Variants in CENPO observed in about 807,000 individuals in gnomAD.
CENPO encodes the protein centromeric protein O.
Under a neutral mutation model 36.1 loss-of-function variants are expected in CENPO, and 30 were observed. The ratio of observed to expected loss-of-function variants is 0.83; its 90% CI spans 0.62 to 1.13. CENPO has a LOEUF of 1.13. Ranked by LOEUF, CENPO falls within the 50% of genes most tolerant of loss-of-function variation. The probability of loss-of-function intolerance (pLI) is 0.00; values close to 1 mark genes in which losing one functional copy is unlikely to be tolerated. For missense variants in CENPO, 349 were observed against 357.8 expected, an observed-to-expected ratio of 0.98 and a Z score of 0.20; for synonymous variants, 171 against 142.3, an observed-to-expected ratio of 1.20 and a Z score of -1.44.
In CENPO at chr2:24,821,725, G is replaced by C. The variant is rs891092634; in HGVS notation, c.*2407G>C. On this transcript the variant is annotated 3_prime_UTR_variant, in exon 8 of 8. Coordinates refer to ENST00000380834, the MANE Select transcript of CENPO (RefSeq NM_001322101.2). ...CTGCCTTCCCTGGCAGTGTTCTGGGGGTGGATTCCCTACACCTAGATGTTC... is the reference window on the plus strand; with the variant it reads ...CTGCCTTCCCTGGCAGTGTTCTGGGCGTGGATTCCCTACACCTAGATGTTC... 30 of 1,551,228 alleles carry C rather than the reference G, an allele frequency of 1.9e-5. No homozygotes were observed. The highest frequency in any genetic ancestry group is 2.4e-5 in the Non-Finnish European group (27 of 1,146,516).
chr2:24,815,897 A>G (rs1187574866), intron 5 of CENPO, 141 bp downstream of exon 5: 1 of 771,696 alleles, frequency 1.3e-6, no homozygotes, highest in African/African-American at 1.8e-5. Flanking sequence ...TCTTATTTAT[A>G]TAAAAGCACT....
chr2:24,801,439 T>C (rs1666162347), intron 3 of CENPO, among the ~76,000 whole-genome samples: 1 of 152,202 alleles, frequency 6.6e-6, no homozygotes, highest in Non-Finnish European at 1.5e-5. Context: ...TAGGTTTTCT[T>C]CTAGGATTTG....
intron 3 of CENPO, among the ~76,000 whole-genome samples, chr2:24,803,791 A>C (rs1666258954): frequency 6.6e-6 from 1 of 152,204 alleles, no homozygotes; most frequent in African/African-American, 2.4e-5. Flanking sequence ...GGTGCTGAAA[A>C]AAATGTATAT....
Position 24,820,467 on chromosome 2 carries a change from A to AGG in CENPO, c.*1150_*1151dup. On this transcript the variant is annotated 3_prime_UTR_variant, in exon 8 of 8. Transcript: ENST00000380834. Reference sequence around the variant, plus strand: ...CCAGACGCCACTGAGACAGATCACAAGGTATTAGAAGGTTCATACCCAAAG... The same window carrying AGG: ...CCAGACGCCACTGAGACAGATCACAAGGGGTATTAGAAGGTTCATACCCAAAG... 2.2e-6 allele frequency: 3 copies of AGG among 1,344,626 alleles called. No individual in the cohort carries two copies. Among genetic ancestry groups the AGG allele is most frequent in the Non-Finnish European group, 2.9e-6 (3 of 1,050,730 alleles). The allele number at this position is 1,344,626 out of a possible 1,614,324, so 83.3% of individuals were successfully genotyped here. A position where few individuals can be genotyped will look rare whatever the true frequency, so the allele number is the denominator to read the frequency against.
intron 3 of CENPO, among the ~76,000 whole-genome samples, chr2:24,810,129 A>G (rs1666610197): frequency 6.6e-6 from 1 of 151,632 alleles, no homozygotes; most frequent in Non-Finnish European, 1.5e-5. Flanking sequence ...AAAATCTCCC[A>G]CTGTGATTGT....
chr2:24,799,821 G>A lies in CENPO; in HGVS notation c.193G>A (p.Val65Met), dbSNP rs767228971. 7 of 1,613,322 alleles carry A rather than the reference G, an allele frequency of 4.3e-6. No individual in the cohort carries two copies. The African/African-American group carries it at 6.7e-5, about 15-fold the overall frequency. The change falls in exon 3 of 8, where the codon GTG becomes ATG. Residue 65 changes from valine (V) to methionine (M), a missense_variant. Physicochemically the swap from Val to Met is conservative, Grantham distance 21. Transcript: ENST00000380834. ...LRRLRDELRA[V>M]VRHRRASVKA... ...GCGTCTGCGAGATGAGCTGAGGGCT[G>A]TGGTGCGGCACCGGCGAGCCAGCGT...
chr2:24,821,942 G>GACAAC lies in CENPO; in HGVS notation c.*2624_*2625insACAAC. The GACAAC allele has an allele frequency of 3.0e-6, 1 of 328,718 alleles. No homozygotes were observed. The highest frequency in any genetic ancestry group is 4.4e-5 in the South Asian group (1 of 22,856). The allele number at this position is 328,718 out of a possible 1,614,324, so 20.4% of individuals were successfully genotyped here. A position where few individuals can be genotyped will look rare whatever the true frequency, so the allele number is the denominator to read the frequency against. ...GGTCCTGGTCCTTAGGTTTTGTCAG[G>GACAAC]TTGTCCTTGTTTGGATCCCTCAACT... On this transcript the variant is annotated 3_prime_UTR_variant, in exon 8 of 8. Coordinates refer to ENST00000380834, the MANE Select transcript of CENPO (RefSeq NM_001322101.2).
At chr2:24,806,408 C>T (rs546087181) in intron 3 of CENPO, among the ~76,000 whole-genome samples, 5 of 152,322 alleles carry the variant, frequency 3.3e-5, no homozygotes, top group Admixed American at 1.3e-4. Context: ...CCGTCTTCTG[C>T]GTTGCTCACG....
intron 7 of CENPO, among the ~76,000 whole-genome samples, chr2:24,818,669 T>TAAAC (rs1306120971): frequency 2.0e-5 from 3 of 152,090 alleles, no homozygotes; most frequent in South Asian, 4.1e-4. Context: ...AATCTGCCCA[T>TAAAC]TAACTCAGGG....
Position 24,821,019 on chromosome 2 carries a change from T to A in CENPO, c.*1701T>A, listed in dbSNP as rs1488948022. 1.5e-5 allele frequency: 14 copies of A among 943,588 alleles called. No homozygotes were observed. Among genetic ancestry groups the A allele is most frequent in the Non-Finnish European group, 2.0e-5 (13 of 654,154 alleles). The allele number at this position is 943,588 out of a possible 1,614,324, so 58.5% of individuals were successfully genotyped here. A position where few individuals can be genotyped will look rare whatever the true frequency, so the allele number is the denominator to read the frequency against. The stretch of plus-strand genomic sequence containing the variant: ...GGGTGGAAATCACATCTCCTGTTTA[T>A]CCGTGTGCTTGTTAGGTGTCAGCCG... On this transcript the variant is annotated 3_prime_UTR_variant, in exon 8 of 8. Transcript: ENST00000380834.
In CENPO at chr2:24,815,564, A is replaced by G. The variant is rs776946111; in HGVS notation, c.402A>G (p.Leu134=). 5.6e-6 allele frequency: 9 copies of G among 1,613,868 alleles called. No individual in the cohort carries two copies. Among genetic ancestry groups the G allele is most frequent in the South Asian group, 1.1e-5 (1 of 91,078 alleles). ...VCISTAFEGN[L]LDSYFVDLVI... is the part of the protein sequence containing the mutation. The stretch of plus-strand genomic sequence containing the variant: ...TCAGTACTGCTTTTGAGGGGAACCT[A>G]TTGGATTCCTATTTTGTGGACCTTG... The change falls in exon 5 of 8, where the codon CTA becomes CTG. Residue 134 remains leucine (L), a synonymous_variant. Transcript: ENST00000380834.
intron 3 of CENPO, among the ~76,000 whole-genome samples, chr2:24,801,939 T>C (rs1666181783): frequency 6.6e-6 from 1 of 152,232 alleles, no homozygotes; most frequent in African/African-American, 2.4e-5. Context: ...TTTCACAATA[T>C]TGATTCTTCC....
Position 24,815,618 on chromosome 2 carries a change from C to A in CENPO, c.456C>A (p.His152Gln). ...LVIQKPLRIH[H>Q]HSVPVFIPLE... ...TACAGAAACCACTCCGGATACATCA[C>A]CATTCAGTCCCAGTCTTCATTCCCC... Residue 152 changes from histidine to glutamine, a missense_variant, in exon 5 of 8, where the codon CAC (histidine) becomes CAA (glutamine). Coordinates refer to ENST00000380834, the MANE Select transcript of CENPO (RefSeq NM_001322101.2). 6.2e-7 allele frequency: 1 copy of A among 1,614,162 alleles called. No individual in the cohort carries two copies. The highest frequency in any genetic ancestry group is 8.5e-7 in the Non-Finnish European group (1 of 1,180,014).
At chr2:24,795,146 C>A (rs940207177) in intron 2 of CENPO, among the ~76,000 whole-genome samples, 1 of 152,168 alleles carries the variant, frequency 6.6e-6, no homozygotes, top group African/African-American at 2.4e-5. Context: ...TATTTCATTT[C>A]TGTTAAAGTA....
intron 7 of CENPO, 57 bp downstream of exon 7, chr2:24,817,898 A>C (rs972816894): frequency 7.1e-7 from 1 of 1,401,688 alleles, no homozygotes; most frequent in African/African-American, 1.4e-5. Context: ...GATGAAGGGT[A>C]CATCACCCTT....
chr2:24,821,291 C>G lies in CENPO; in HGVS notation c.*1973C>G. 1 of 566,040 alleles carries G rather than the reference C, an allele frequency of 1.8e-6. No homozygotes were observed. Among genetic ancestry groups the G allele is most frequent in the Admixed American group, 3.5e-5 (1 of 28,936 alleles). The allele number at this position is 566,040 out of a possible 1,614,324, so 35.1% of individuals were successfully genotyped here. A position where few individuals can be genotyped will look rare whatever the true frequency, so the allele number is the denominator to read the frequency against. On this transcript the variant is annotated 3_prime_UTR_variant, in exon 8 of 8. Coordinates refer to ENST00000380834, the MANE Select transcript of CENPO (RefSeq NM_001322101.2). ...CAGGCAGGCCAAGCTTCTATTGTAA[C>G]AGTAGGCACAGTATAGTCGGATCAT... is the stretch of plus-strand genomic sequence containing the variant.
chr2:24,810,075 T>C (rs1452076927), intron 3 of CENPO, among the ~76,000 whole-genome samples: 1 of 151,866 alleles, frequency 6.6e-6, no homozygotes, highest in East Asian at 1.9e-4. Context: ...TACATTCTTA[T>C]TGATTTACTT....
chr2:24,805,544 G>T (rs866177361), intron 3 of CENPO, among the ~76,000 whole-genome samples: 1 of 152,228 alleles, frequency 6.6e-6, no homozygotes. Flanking sequence ...CCTTCTAACA[G>T]TCGGGACCCT....
chr2:24,810,288 T>C (rs1666615754), intron 3 of CENPO, among the ~76,000 whole-genome samples: 1 of 152,080 alleles, frequency 6.6e-6, no homozygotes, highest in Admixed American at 6.5e-5. Context: ...TTAAAATCTA[T>C]TTTGATATTG....
Sources: allele counts gnomAD v4.1 joint callset (sites outside exome capture counted in the v4.1 genomes callset), GRCh38; gene constraint gnomAD v4.1.1; transcripts MANE v1.5; gene names NCBI Gene and HGNC (gene_info 2026-07-23, HGNC 2026-07-21).